CEP128: variants seen among roughly 807,000 people sequenced by gnomAD.
CEP128 encodes centrosomal protein 128.
CEP128 carries 132 observed loss-of-function variants against 156.7 expected under a neutral mutation model. The ratio of observed to expected loss-of-function variants is 0.84; its 90% confidence interval spans 0.73 to 0.97. The LOEUF (loss-of-function observed/expected upper bound fraction) is 0.97. CEP128 is among the 50% of genes least tolerant of loss of function. The pLI is 0.00. For synonymous variants in CEP128, 469 were observed against 448.9 expected, an observed-to-expected ratio of 1.04 and a Z score of -0.57; for missense variants, 1,252 against 1,281.9, an observed-to-expected ratio of 0.98 and a Z score of 0.36.
chr14:80,645,354 C>T (rs1566830572), intron 19 of CEP128, among the ~76,000 whole-genome samples: 1 of 151,932 alleles, frequency 6.6e-6, no homozygotes, highest in Non-Finnish European at 1.5e-5. Flanking sequence ...AAGAATGGCT[C>T]CTTTCTTCAA....
chr14:80,957,643 C>T (rs887515283), intron 2 of CEP128, among the ~76,000 whole-genome samples: 2 of 152,130 alleles, frequency 1.3e-5, no homozygotes, highest in Admixed American at 6.5e-5. Flanking sequence ...AAAAGGAACT[C>T]GTAGACATCC....
At chr14:80,573,320 A>T (rs553281862) in intron 20 of CEP128, among the ~76,000 whole-genome samples, 2 of 152,210 alleles carry the variant, frequency 1.3e-5, no homozygotes, top group South Asian at 2.1e-4. Context: ...CATTTTAACA[A>T]TGTTTCCAAA....
Position 80,863,400 on chromosome 14 carries a change from C to G in CEP128, c.646-527G>C, listed in dbSNP as rs866572741. 1.2e-4 allele frequency among the ~76,000 whole-genome samples: 18 copies of G among 152,184 alleles called. No individual in the cohort carries two copies. In the South Asian group the frequency reaches 3.7e-3, roughly 32 times the overall value. ...CTACTGCAATCTGCTAAAAATAAAA[C>G]AAGCTATAAAAGATCAAAAACTAAA... On this transcript the variant is annotated intron_variant, in intron 8 of 24. Transcript: ENST00000555265.
intron 2 of CEP128, among the ~76,000 whole-genome samples, chr14:80,947,138 C>A (rs188423297): frequency 1.2e-4 from 19 of 152,334 alleles, no homozygotes; most frequent in Non-Finnish European, 1.3e-4. Context: ...ACAAATTACA[C>A]AGTCTCAGGT....
intron 8 of CEP128, among the ~76,000 whole-genome samples, chr14:80,888,881 C>T (rs111558787): frequency 0.49 from 74,879 of 151,910 alleles, 18,968 homozygotes; most frequent in African/African-American, 0.57. Flanking sequence ...TTAGAAAACC[C>T]CATTTTCTCA....
chr14:80,672,068 C>A (rs543209154), intron 19 of CEP128, among the ~76,000 whole-genome samples: 4 of 152,080 alleles, frequency 2.6e-5, no homozygotes, highest in African/African-American at 9.6e-5. Flanking sequence ...AAGACTGGGG[C>A]CTGCCAATTA....
intron 19 of CEP128, among the ~76,000 whole-genome samples, chr14:80,660,979 T>C (rs1363191083): frequency 1.3e-5 from 2 of 152,152 alleles, no homozygotes; most frequent in African/African-American, 4.8e-5. Flanking sequence ...TCTACTGCCT[T>C]ACACAGGTCT....
chr14:80,626,464 C>A (rs1893726852), intron 19 of CEP128, among the ~76,000 whole-genome samples: 1 of 86,520 alleles, frequency 1.2e-5, no homozygotes, highest in African/African-American at 4.9e-5. Flanking sequence ...GAGCGAGACT[C>A]CGTCTCAAAA....
chr14:80,606,840 G>A (rs1331217509), intron 19 of CEP128, among the ~76,000 whole-genome samples: 2 of 151,872 alleles, frequency 1.3e-5, no homozygotes, highest in Non-Finnish European at 2.9e-5. Flanking sequence ...TATAGGTAAT[G>A]TATATAATAT....
chr14:80,689,538 C>A (rs1174480811), intron 19 of CEP128, among the ~76,000 whole-genome samples: 3 of 152,110 alleles, frequency 2.0e-5, no homozygotes, highest in Non-Finnish European at 4.4e-5. Flanking sequence ...TTAAATTCCA[C>A]TCAGCTATAC....
At chr14:80,509,033 C>T (rs947690831) in intron 23 of CEP128, among the ~76,000 whole-genome samples, 4 of 151,720 alleles carry the variant, frequency 2.6e-5, no homozygotes, top group Admixed American at 2.0e-4. Flanking sequence ...CAGGAGAGAG[C>T]GAGCATGGGA....
chr14:80,764,078 T>C (rs905137771), intron 16 of CEP128, among the ~76,000 whole-genome samples: 1 of 152,254 alleles, frequency 6.6e-6, no homozygotes, highest in Non-Finnish European at 1.5e-5. Flanking sequence ...ACTACTTTTC[T>C]GTGGTCTCCA....
At chr14:80,825,583 A>G (rs745843374) in intron 13 of CEP128, among the ~76,000 whole-genome samples, 2 of 152,206 alleles carry the variant, frequency 1.3e-5, no homozygotes, top group Admixed American at 6.5e-5. Context: ...AATACAAACT[A>G]ATTAGTAATT....
intron 2 of CEP128, among the ~76,000 whole-genome samples, chr14:80,952,266 A>G (rs1351173831): frequency 6.6e-6 from 1 of 152,114 alleles, no homozygotes; most frequent in Non-Finnish European, 1.5e-5. Flanking sequence ...CTGAATCATA[A>G]AATGAGTCTC....
At chr14:80,895,304 T>A (rs888922589) in intron 8 of CEP128, among the ~76,000 whole-genome samples, 4 of 152,100 alleles carry the variant, frequency 2.6e-5, no homozygotes, top group Non-Finnish European at 4.4e-5. Context: ...TACACACATG[T>A]GAGATGACCT....
rs576413587 is a variant in CEP128 at position 80,780,348 on chromosome 14, A to G, written c.2212-2302T>C. On this transcript the variant is annotated intron_variant, in intron 15 of 24. Transcript: ENST00000555265. ...CAACTCAATTTAATTAATATAAATA[A>G]GTAAAAAGTATGGATATATTAATAA... 1.0e-3 allele frequency among the ~76,000 whole-genome samples: 159 copies of G among 152,300 alleles called. 2 individuals carry two copies. Among genetic ancestry groups the G allele is most frequent in the African/African-American group, 3.7e-3 (154 of 41,576 alleles).
intron 23 of CEP128, among the ~76,000 whole-genome samples, chr14:80,518,953 G>C (rs1025691345): frequency 6.6e-6 from 1 of 152,130 alleles, no homozygotes; most frequent in Non-Finnish European, 1.5e-5. Flanking sequence ...ATTCTATACT[G>C]ATAATTAATT....
chr14:80,535,288 G>A (rs959878256), intron 21 of CEP128, among the ~76,000 whole-genome samples: 1 of 152,164 alleles, frequency 6.6e-6, no homozygotes, highest in Non-Finnish European at 1.5e-5. Context: ...GGCAAAGCTG[G>A]GATGCAAATC....
intron 19 of CEP128, among the ~76,000 whole-genome samples, chr14:80,621,289 G>C (rs1893468053): frequency 6.6e-6 from 1 of 152,040 alleles, no homozygotes; most frequent in South Asian, 2.1e-4. Context: ...TCAAGAACAG[G>C]CTAAATTAGT....
Sources: allele counts gnomAD v4.1 joint callset (sites outside exome capture counted in the v4.1 genomes callset), GRCh38; gene constraint gnomAD v4.1.1; transcripts MANE v1.5; gene names NCBI Gene and HGNC (gene_info 2026-07-23, HGNC 2026-07-21).